The following NSMAF variants were observed in gnomAD, a reference collection of about 807,000 sequenced individuals.
NSMAF encodes the protein neutral sphingomyelinase activation associated factor, also known as protein FAN.
Under a neutral mutation model 134.9 loss-of-function variants are expected in NSMAF, and 90 were observed. The ratio of observed to expected loss-of-function variants is 0.67; its 90% CI spans 0.56 to 0.79. The LOEUF is 0.79. Among genes scored for constraint, NSMAF ranks in the 30% least tolerant of loss-of-function variants. NSMAF has a pLI of 0.00. For missense variants in NSMAF, 1,010 were observed against 1,119.0 expected, an observed-to-expected ratio of 0.90 and a Z score of 1.39; for synonymous variants, 358 against 389.6, an observed-to-expected ratio of 0.92 and a Z score of 0.96.
intron 1 of NSMAF, among the ~76,000 whole-genome samples, chr8:58,658,240 C>A (rs575201768): frequency 6.6e-6 from 1 of 152,274 alleles, no homozygotes; most frequent in East Asian, 1.9e-4. Context: ...AAGAAAAATG[C>A]ATTACAAATT....
At position 58,605,936 on chromosome 8, in the gene NSMAF, T is replaced by A. The variant is rs766594598; in HGVS notation, c.859A>T (p.Thr287Ser). 5 of 1,572,908 alleles carry A rather than the reference T, an allele frequency of 3.2e-6. No homozygotes were observed. In the East Asian group the frequency reaches 1.2e-4, roughly 37 times the overall value. The stretch of plus-strand genomic sequence containing the variant: ...AGGGTGAGCGCCAAACCTAGGTATG[T>A]GGCAATGTAAAAATAGAGATCATCT... ...DRDDLYFYIA[T>S]YLEHHVAEHT... Residue 287 changes from threonine to serine, a missense_variant, in exon 12 of 31, where the codon ACA becomes TCA. Physicochemically the swap from Thr to Ser is moderately conservative, Grantham distance 58. Coordinates refer to ENST00000038176, the MANE Select transcript of NSMAF (RefSeq NM_003580.4).
intron 1 of NSMAF, chr8:58,659,106 C>T (rs1381781750): frequency 1.7e-6 from 2 of 1,169,360 alleles, no homozygotes; most frequent in East Asian, 3.2e-5. Flanking sequence ...TGCCGCCCGG[C>T]GACCAACTCT....
At chr8:58,624,355 G>T (rs1389569637) in intron 6 of NSMAF, among the ~76,000 whole-genome samples, 1 of 151,772 alleles carries the variant, frequency 6.6e-6, no homozygotes, top group African/African-American at 2.4e-5. Flanking sequence ...CCTAGAGTTA[G>T]GATTTTTATT....
intron 26 of NSMAF, 149 bp downstream of exon 26, chr8:58,589,303 C>T (rs977366295): frequency 1.7e-5 from 7 of 405,730 alleles, no homozygotes; most frequent in African/African-American, 8.4e-5. Context: ...TACACTCACA[C>T]GCTTTGTGAA....
intron 12 of NSMAF, among the ~76,000 whole-genome samples, chr8:58,605,245 A>T (rs1806377308): frequency 6.6e-6 from 1 of 152,040 alleles, no homozygotes. Context: ...AGCAAATTCC[A>T]CTCCAAAGTC....
intron 23 of NSMAF, 63 bp downstream of exon 23, chr8:58,594,169 A>G (rs1213505742): frequency 6.9e-7 from 1 of 1,441,760 alleles, no homozygotes; most frequent in Non-Finnish European, 9.8e-7. Context: ...CACGAGCTAA[A>G]TAATAAAGAA....
chr8:58,631,322 C>A, intron 6 of NSMAF, 174 bp downstream of exon 6: 3 of 356,628 alleles, frequency 8.4e-6, no homozygotes, highest in Non-Finnish European at 1.6e-5. Context: ...TAATTGAATT[C>A]TCTTGAAATA....
intron 14 of NSMAF, 120 bp downstream of exon 14, chr8:58,601,938 T>C (rs1806291822): frequency 1.4e-6 from 1 of 723,158 alleles, no homozygotes; most frequent in Admixed American, 2.8e-5. Context: ...AAGAAAAAAC[T>C]CTACGTAGAG....
Position 58,597,406 on chromosome 8 carries a change from A to G in NSMAF, c.1773T>C (p.Ala591=), listed in dbSNP as rs746291985. Reference sequence around the variant, plus strand: ...ATTTACCTGGGGAATCTGCCATAGAAGCATTATAACTGGAGGTCTGGGACA... The same window carrying G: ...ATTTACCTGGGGAATCTGCCATAGAGGCATTATAACTGGAGGTCTGGGACA... ...KSLSQTSSYN[A]SMADSPGEES... Residue 591 remains alanine (A), a synonymous_variant, in exon 21 of 31, where the codon GCT becomes GCC. Transcript: ENST00000038176. The G allele has an allele frequency of 3.1e-6, 5 of 1,614,028 alleles. No individual in the cohort carries two copies. Among genetic ancestry groups the G allele is most frequent in the Non-Finnish European group, 4.2e-6 (5 of 1,180,008 alleles).
chr8:58,631,887 G>T (rs551174489), intron 5 of NSMAF, among the ~76,000 whole-genome samples: 2 of 152,176 alleles, frequency 1.3e-5, no homozygotes, highest in African/African-American at 4.8e-5. Context: ...TAAGAAACGG[G>T]TAAAACAAAG....
intron 23 of NSMAF, among the ~76,000 whole-genome samples, chr8:58,593,962 T>C (rs1352876023): frequency 6.6e-6 from 1 of 152,172 alleles, no homozygotes; most frequent in African/African-American, 2.4e-5. Context: ...AGGCAGGAAG[T>C]GCCTGACCCA....
At position 58,595,902 on chromosome 8, in the gene NSMAF, C is replaced by T; in HGVS notation, c.1793-243G>A. The stretch of plus-strand genomic sequence containing the variant: ...TCTTTTTATACTTTAACAATGTTTG[C>T]AAAGTTTTCACTCGGCCTCTAACTT... On this transcript the variant is annotated intron_variant, in intron 21 of 30. Transcript: ENST00000038176. 1.8e-5 allele frequency: 6 copies of T among 341,286 alleles called. No homozygotes were observed. In the South Asian group the frequency reaches 2.2e-4, roughly 12 times the overall value. The allele number at this position is 341,286 out of a possible 1,614,324, so 21.1% of individuals were successfully genotyped here. A position where few individuals can be genotyped will look rare whatever the true frequency, so the allele number is the denominator to read the frequency against.
chr8:58,631,609 T>A lies in NSMAF; in HGVS notation c.334-63A>T, dbSNP rs1807060119. 1.3e-5 allele frequency: 11 copies of A among 876,512 alleles called. No homozygotes were observed. The South Asian group carries it at 1.8e-4, about 15-fold the overall frequency. 54.3% of individuals were successfully genotyped at this position (876,512 alleles called of 1,614,324 possible). ...AAAATGTTTCATTGTAAAGAGTAAC[T>A]ACAAATCAGAACATTATCAATCAAA... On this transcript the variant is annotated intron_variant, in intron 5 of 30. Transcript: ENST00000038176.
Position 58,597,921 on chromosome 8 carries a change from A to G in NSMAF, c.1586-19T>C. 6.3e-7 allele frequency: 1 copy of G among 1,582,956 alleles called. No homozygotes were observed. The highest frequency in any genetic ancestry group is 2.2e-5 in the East Asian group (1 of 44,668). On this transcript the variant is annotated intron_variant, in intron 19 of 30. Coordinates refer to ENST00000038176, the MANE Select transcript of NSMAF (RefSeq NM_003580.4). ...TGAAATACTGAAAAAGACATACAAAACACTATTGAAAGATGTGCTATTTCA... is the reference window on the plus strand; with the variant it reads ...TGAAATACTGAAAAAGACATACAAAGCACTATTGAAAGATGTGCTATTTCA...
chr8:58,599,830 A>T lies in NSMAF; in HGVS notation c.1373T>A (p.Val458Asp), dbSNP rs1806234472. The T allele has an allele frequency of 1.5e-5, 24 of 1,614,198 alleles. No homozygotes were observed. Among genetic ancestry groups the T allele is most frequent in the Non-Finnish European group, 2.0e-5 (24 of 1,180,018 alleles). ...EFYGDDVSFL[V>D]NSLKLDLGKR... ...TCCCAAATCCAACTTCAGGCTATTGACTAGAAAGCTCACATCATCACCATA... is the reference window on the plus strand; with the variant it reads ...TCCCAAATCCAACTTCAGGCTATTGTCTAGAAAGCTCACATCATCACCATA... The change falls in exon 18 of 31, where the codon GTC (valine) becomes GAC (aspartate). Residue 458 changes from valine to aspartate, a missense_variant. Coordinates refer to ENST00000038176, the MANE Select transcript of NSMAF (RefSeq NM_003580.4).
intron 12 of NSMAF, 41 bp downstream of exon 12, chr8:58,605,886 A>C (rs770389331): frequency 1.6e-5 from 24 of 1,499,672 alleles, no homozygotes; most frequent in Non-Finnish European, 2.1e-5. Flanking sequence ...CCTCCAAAAA[A>C]AAAAAAAAAA....
chr8:58,587,962 C>T (rs1166759566), intron 26 of NSMAF, among the ~76,000 whole-genome samples: 1 of 152,106 alleles, frequency 6.6e-6, no homozygotes, highest in Non-Finnish European at 1.5e-5. Flanking sequence ...AGTATGTGAA[C>T]TAAGGAAATA....
intron 1 of NSMAF, chr8:58,659,059 CGCG>C: frequency 2.8e-6 from 2 of 705,728 alleles, no homozygotes; most frequent in Non-Finnish European, 4.3e-6. Context: ...AGGAAAAAGG[CGCG>C]GCAATGCGAG....
intron 9 of NSMAF, among the ~76,000 whole-genome samples, chr8:58,622,480 G>A (rs911971056): frequency 1.2e-4 from 18 of 151,948 alleles, no homozygotes; most frequent in East Asian, 3.9e-4. Context: ...TGCAACCTCC[G>A]CTTCCCAGGT....
Sources: gnomAD v4.1 joint callset for allele counts (sites outside exome capture counted in the v4.1 genomes callset) on GRCh38, gnomAD v4.1.1 for gene constraint, MANE v1.5 for transcripts, NCBI Gene and HGNC (gene_info 2026-07-23, HGNC 2026-07-21) for gene names.